EIF2A: variants seen among roughly 807,000 people sequenced by gnomAD.
EIF2A encodes eukaryotic translation initiation factor 2A, also known as 65 kDa eukaryotic translation initiation factor 2A.
A neutral mutation model predicts 75.2 loss-of-function variants in EIF2A; 62 were observed. The observed-to-expected ratio is 0.82, with a 90% CI of 0.67 to 1.02. EIF2A has a LOEUF of 1.02. Ranked by LOEUF, EIF2A falls within the 50% of genes least tolerant of loss-of-function variation. EIF2A has a pLI of 0.00. For missense variants in EIF2A, 611 were observed against 677.7 expected, an observed-to-expected ratio of 0.90 and a Z score of 1.09; for synonymous variants, 207 against 239.0, an observed-to-expected ratio of 0.87 and a Z score of 1.23.
chr3:150,549,892 T>C (rs1374656413), intron 1 of EIF2A, among the ~76,000 whole-genome samples: 1 of 152,176 alleles, frequency 6.6e-6, no homozygotes, highest in African/African-American at 2.4e-5. Flanking sequence ...AATTGAGTGA[T>C]TTTCCTAAAC....
intron 11 of EIF2A, among the ~76,000 whole-genome samples, chr3:150,579,445 C>A (rs1188291850): frequency 6.6e-6 from 1 of 152,128 alleles, no homozygotes; most frequent in Non-Finnish European, 1.5e-5. Flanking sequence ...TGCAGTGGCT[C>A]ACACCTGTAA....
At chr3:150,552,570 T>C in intron 2 of EIF2A, 145 bp downstream of exon 2, 1 of 627,312 alleles carries the variant, frequency 1.6e-6, no homozygotes, top group South Asian at 2.6e-5. Context: ...ATGAAAAGAA[T>C]ACATATTCTC....
rs1166851341 is a variant in EIF2A at position 150,564,313 on chromosome 3, C to A, written c.407C>A (p.Ser136Ter). 3.1e-6 allele frequency: 5 copies of A among 1,588,472 alleles called. No homozygotes were observed. The highest frequency in any genetic ancestry group is 1.7e-4 in the Middle Eastern group (1 of 5,822). The stretch of plus-strand genomic sequence containing the variant: ...CATTGACATAGGTGTCCATCCTGGT[C>A]AGAAGATGAAACTCTTTGTGCCCGC... The part of the protein sequence containing the change: ...KKMQNWCPSW[S>*]EDETLCARNV... Residue 136 changes from serine to a stop codon, truncating the protein, a stop_gained, in exon 6 of 14, where the codon TCA becomes TAA. Transcript: ENST00000460851. LOFTEE classifies it high-confidence loss of function.
intron 11 of EIF2A, 48 bp downstream of exon 11, chr3:150,575,810 C>A: frequency 6.7e-7 from 1 of 1,490,788 alleles, no homozygotes; most frequent in Non-Finnish European, 9.1e-7. Context: ...CAGTTATGGC[C>A]GGGCGCAGTG....
At chr3:150,579,443 C>T (rs534815207) in intron 11 of EIF2A, among the ~76,000 whole-genome samples, 2 of 152,256 alleles carry the variant, frequency 1.3e-5, no homozygotes, top group Non-Finnish European at 2.9e-5. Context: ...GATGCAGTGG[C>T]TCACACCTGT....
intron 13 of EIF2A, among the ~76,000 whole-genome samples, chr3:150,583,538 A>T (rs1725308295): frequency 6.6e-6 from 1 of 152,200 alleles, no homozygotes; most frequent in Non-Finnish European, 1.5e-5. Flanking sequence ...GTTATATTAG[A>T]CAAATATAAG....
At chr3:150,576,283 T>C (rs1205811872) in intron 11 of EIF2A, among the ~76,000 whole-genome samples, 1 of 151,706 alleles carries the variant, frequency 6.6e-6, no homozygotes, top group Non-Finnish European at 1.5e-5. Flanking sequence ...TATGAAAAAT[T>C]TTTTGCTGGG....
At position 150,574,302 on chromosome 3, in the gene EIF2A, T is replaced by C. The variant is rs149803916; in HGVS notation, c.1384-1347T>C. On this transcript the variant is annotated intron_variant, in intron 10 of 13. Coordinates refer to ENST00000460851, the MANE Select transcript of EIF2A (RefSeq NM_032025.5). ...GAAAAAACTCATGATTTATAGTAGT[T>C]GTGTGGATTTTTTTCGTCTCAAGTG... 6.7e-3 allele frequency among the ~76,000 whole-genome samples: 1,018 copies of C among 152,290 alleles called. 3 individuals carry two copies. The highest frequency in any genetic ancestry group is 0.01 in the Non-Finnish European group (705 of 68,026).
rs1204044383 is a variant in EIF2A, at chr3:150,581,624, A to C, written c.1504A>C (p.Arg502=). ...EAKKAAKQEA[R]SDKSPDLAPT... is the part of the protein sequence containing the mutation. The stretch of plus-strand genomic sequence containing the variant: ...AAAAAAATATTTCCTGCAGGAAGCA[A>C]GAAGTGACAAGAGTCCAGATTTGGC... The change falls in exon 12 of 14, where the codon AGA becomes CGA. Residue 502 remains arginine, a synonymous_variant. Coordinates refer to ENST00000460851, the MANE Select transcript of EIF2A (RefSeq NM_032025.5). 1.9e-6 allele frequency: 3 copies of C among 1,550,806 alleles called. No homozygotes were observed. The Admixed American group carries it at 5.9e-5, about 31-fold the overall frequency.
At position 150,564,337 on chromosome 3, in the gene EIF2A, G is replaced by A. The variant is rs769029119; in HGVS notation, c.431G>A (p.Arg144His). Residue 144 changes from arginine (R) to histidine (H), a missense_variant, in exon 6 of 14, where the codon CGC becomes CAC. Coordinates refer to ENST00000460851, the MANE Select transcript of EIF2A (RefSeq NM_032025.5). Reference protein sequence around the residue: ...SWSEDETLCARNVNNEVHFFE... With the variant: ...SWSEDETLCAHNVNNEVHFFE... Reference sequence around the variant, plus strand: ...TCAGAAGATGAAACTCTTTGTGCCCGCAATGTTAACAATGAAGTTCACTTC... The same window carrying A: ...TCAGAAGATGAAACTCTTTGTGCCCACAATGTTAACAATGAAGTTCACTTC... 37 of 1,597,170 alleles carry A rather than the reference G, an allele frequency of 2.3e-5. No homozygotes were observed. The Admixed American group carries it at 2.8e-4, about 12-fold the overall frequency.
intron 4 of EIF2A, among the ~76,000 whole-genome samples, chr3:150,563,284 C>G (rs1398354808): frequency 6.6e-6 from 1 of 152,074 alleles, no homozygotes; most frequent in Admixed American, 6.5e-5. Flanking sequence ...TATGAACTCT[C>G]ATGAATCTAA....
At chr3:150,556,823 C>G (rs978191161) in intron 2 of EIF2A, among the ~76,000 whole-genome samples, 2 of 152,138 alleles carry the variant, frequency 1.3e-5, no homozygotes, top group South Asian at 4.2e-4. Flanking sequence ...AGTTTATAAT[C>G]ATTGCGATAA....
At chr3:150,556,485 G>T (rs890728874) in intron 2 of EIF2A, among the ~76,000 whole-genome samples, 9 of 152,106 alleles carry the variant, frequency 5.9e-5, no homozygotes, top group African/African-American at 2.2e-4. Flanking sequence ...AGATGAAGTG[G>T]CATGGTGGTG....
intron 1 of EIF2A, among the ~76,000 whole-genome samples, chr3:150,548,980 A>G (rs1210880131): frequency 3.3e-5 from 5 of 152,208 alleles, no homozygotes; most frequent in African/African-American, 9.7e-5. Flanking sequence ...TCATTCAACA[A>G]TAGATTATTT....
rs569825232 is a variant in EIF2A, at chr3:150,583,272, T to C, written c.1692+7T>C. Reference sequence around the variant, plus strand: ...ACAGCTAGAAAAAAATCAGGTACTTTCTGCATTTTTCATTTAGGCTTGTGG... The same window carrying C: ...ACAGCTAGAAAAAAATCAGGTACTTCCTGCATTTTTCATTTAGGCTTGTGG... On this transcript the variant is annotated splice_region_variant and intron_variant, in intron 13 of 13. Coordinates refer to ENST00000460851, the MANE Select transcript of EIF2A (RefSeq NM_032025.5). 3 of 1,612,344 alleles carry C rather than the reference T, an allele frequency of 1.9e-6. No homozygotes were observed. The East Asian group carries it at 6.7e-5, about 36-fold the overall frequency.
chr3:150,577,885 T>C (rs551316963), intron 11 of EIF2A, among the ~76,000 whole-genome samples: 6 of 152,328 alleles, frequency 3.9e-5, no homozygotes, highest in East Asian at 1.9e-4. Context: ...TCTGGACTTT[T>C]AGAAAAACCA....
intron 10 of EIF2A, among the ~76,000 whole-genome samples, chr3:150,573,745 AAGAC>A (rs1724680641): frequency 6.6e-6 from 1 of 152,186 alleles, no homozygotes; most frequent in African/African-American, 2.4e-5. Context: ...ACTAGAAACA[AAGAC>A]AGTGTAGTAG....
chr3:150,575,811 G>C, intron 11 of EIF2A, 49 bp downstream of exon 11: 1 of 1,479,328 alleles, frequency 6.8e-7, no homozygotes, highest in Non-Finnish European at 9.2e-7. Flanking sequence ...AGTTATGGCC[G>C]GGCGCAGTGG....
At chr3:150,566,223 A>T (rs142804010) in intron 6 of EIF2A, 1 of 152,302 alleles carries the variant, frequency 6.6e-6, no homozygotes, top group East Asian at 1.9e-4. Flanking sequence ...CTTCTTTGCT[A>T]TATGGTAAGA....
Sources: allele counts gnomAD v4.1 joint callset (sites outside exome capture counted in the v4.1 genomes callset), GRCh38; gene constraint gnomAD v4.1.1; transcripts MANE v1.5; gene names NCBI Gene and HGNC (gene_info 2026-07-23, HGNC 2026-07-21).